The following SULT2B1 variants were observed in gnomAD, a reference collection of about 807,000 sequenced individuals.
SULT2B1 encodes the protein sulfotransferase family 2B member 1.
A neutral mutation model predicts 33.2 loss-of-function variants in SULT2B1; 16 were observed. That is an observed-to-expected ratio of 0.48 (90% CI 0.33 to 0.73). The LOEUF is 0.73. Ranked by LOEUF, SULT2B1 falls within the 30% of genes least tolerant of loss-of-function variation. The probability of loss-of-function intolerance (pLI) is 0.02; values close to 1 mark genes in which losing one functional copy is unlikely to be tolerated. For synonymous variants in SULT2B1, 186 were observed against 200.5 expected (o/e 0.93, Z 0.61); for missense variants, 500 against 506.0 (o/e 0.99, Z 0.11).
intron 1 of SULT2B1, among the ~76,000 whole-genome samples, chr19:48,567,057 C>T (rs1174981006): frequency 6.6e-6 from 1 of 151,964 alleles, no homozygotes; most frequent in African/African-American, 2.4e-5. Context: ...AACCCAAGTC[C>T]CTGTCAAGAT....
intron 1 of SULT2B1, among the ~76,000 whole-genome samples, chr19:48,557,314 C>T (rs1431140050): frequency 2.0e-5 from 3 of 150,718 alleles, no homozygotes; most frequent in Non-Finnish European, 3.0e-5. Flanking sequence ...CTGAAGTGGG[C>T]GGATCACTTG....
intron 6 of SULT2B1, among the ~76,000 whole-genome samples, chr19:48,597,175 A>C (rs540281963): frequency 5.7e-4 from 87 of 152,114 alleles, no homozygotes; most frequent in Non-Finnish European, 8.4e-4. Flanking sequence ...CGCCAGGTTT[A>C]CCCGAGAGAG....
chr19:48,572,290 G>A (rs377653345), intron 1 of SULT2B1, among the ~76,000 whole-genome samples: 2,410 of 151,774 alleles, frequency 0.016, no homozygotes, highest in African/African-American at 0.054. Context: ...CGAGGTGGGC[G>A]GATCATGAGG....
intron 1 of SULT2B1, among the ~76,000 whole-genome samples, chr19:48,574,528 C>T (rs1973377515): frequency 1.3e-5 from 2 of 152,198 alleles, no homozygotes; most frequent in Non-Finnish European, 2.9e-5. Context: ...GAGATTTCTC[C>T]CTCAAGGAGC....
At chr19:48,568,601 G>A (rs1973274362) in intron 1 of SULT2B1, among the ~76,000 whole-genome samples, 1 of 152,182 alleles carries the variant, frequency 6.6e-6, no homozygotes, top group South Asian at 2.1e-4. Context: ...GAGCCTGGCG[G>A]GGAGAACAGC....
intron 1 of SULT2B1, among the ~76,000 whole-genome samples, chr19:48,562,442 T>C (rs956749502): frequency 1.2e-4 from 18 of 151,096 alleles, no homozygotes; most frequent in Admixed American, 2.6e-4. Flanking sequence ...TCCCAGCTAC[T>C]GGGGAGGGTG....
At chr19:48,568,519 C>G (rs748927714) in intron 1 of SULT2B1, among the ~76,000 whole-genome samples, 1 of 152,124 alleles carries the variant, frequency 6.6e-6, no homozygotes, top group Non-Finnish European at 1.5e-5. Flanking sequence ...CTCTGCGCCA[C>G]GGCCAAGGGT....
At chr19:48,590,134 C>T (rs1357384728) in intron 3 of SULT2B1, among the ~76,000 whole-genome samples, 1 of 151,918 alleles carries the variant, frequency 6.6e-6, no homozygotes, top group African/African-American at 2.4e-5. Flanking sequence ...ATTACAGGCG[C>T]CCACCACCAT....
intron 2 of SULT2B1, among the ~76,000 whole-genome samples, chr19:48,583,592 C>A (rs373744133): frequency 1.3e-5 from 2 of 152,124 alleles, no homozygotes; most frequent in African/African-American, 4.8e-5. Flanking sequence ...CCGAGGCGGG[C>A]GGATCACCTG....
intron 2 of SULT2B1, among the ~76,000 whole-genome samples, chr19:48,578,071 G>A (rs147089692): frequency 0.1 from 15,706 of 152,020 alleles, 954 homozygotes; most frequent in Non-Finnish European, 0.14. Context: ...AAATTAGCCA[G>A]GCGTGGTGGT....
intron 2 of SULT2B1, among the ~76,000 whole-genome samples, chr19:48,577,557 G>A (rs985007905): frequency 2.0e-5 from 3 of 151,376 alleles, no homozygotes; most frequent in Non-Finnish European, 4.4e-5. Flanking sequence ...GTAGAGATGA[G>A]GTTTCACCGT....
chr19:48,585,321 T>A (rs937009193), intron 2 of SULT2B1, among the ~76,000 whole-genome samples: 1 of 152,068 alleles, frequency 6.6e-6, no homozygotes, highest in African/African-American at 2.4e-5. Context: ...ATTGGGTCCT[T>A]GATGAGGTCC....
At chr19:48,575,787 A>T in intron 1 of SULT2B1, 154 bp from the exon 2 acceptor site, 1 of 1,370,638 alleles carries the variant, frequency 7.3e-7, no homozygotes, top group Non-Finnish European at 9.6e-7. Context: ...GACCAGCTTT[A>T]TAAAGTTTAT....
At chr19:48,572,025 T>C (rs1973336785) in intron 1 of SULT2B1, among the ~76,000 whole-genome samples, 1 of 152,174 alleles carries the variant, frequency 6.6e-6, no homozygotes, top group African/African-American at 2.4e-5. Context: ...ACTACTCACT[T>C]CCTGAGGTTC....
At chr19:48,587,692 G>A (rs564754514) in intron 3 of SULT2B1, among the ~76,000 whole-genome samples, 1 of 149,478 alleles carries the variant, frequency 6.7e-6, no homozygotes, top group East Asian at 2.0e-4. Flanking sequence ...AGGAGTTTGA[G>A]ACCAGCTTGG....
intron 1 of SULT2B1, among the ~76,000 whole-genome samples, chr19:48,573,867 A>G (rs1189311485): frequency 6.6e-6 from 1 of 151,938 alleles, no homozygotes; most frequent in Non-Finnish European, 1.5e-5. Flanking sequence ...GTTTGTTTCT[A>G]TGTTTGTTAC....
chr19:48,562,926 T>C (rs1973199765), intron 1 of SULT2B1, among the ~76,000 whole-genome samples: 1 of 152,080 alleles, frequency 6.6e-6, no homozygotes, highest in Admixed American at 6.6e-5. Context: ...GTGATCCGCC[T>C]GCCTTGGCCT....
At chr19:48,567,958 G>C (rs1973266653) in intron 1 of SULT2B1, among the ~76,000 whole-genome samples, 1 of 151,542 alleles carries the variant, frequency 6.6e-6, no homozygotes, top group Non-Finnish European at 1.5e-5. Context: ...CTGAGCAACA[G>C]AGCAAGGCCC....
intron 2 of SULT2B1, among the ~76,000 whole-genome samples, chr19:48,585,675 GA>G (rs1313237988): frequency 7.3e-6 from 1 of 137,420 alleles, no homozygotes; most frequent in Admixed American, 7.2e-5. Context: ...GTCTCAAAAA[GA>G]AAAAAAGTGG....
Sources: gnomAD v4.1 joint callset for allele counts (sites outside exome capture counted in the v4.1 genomes callset) on GRCh38, gnomAD v4.1.1 for gene constraint, MANE v1.5 for transcripts, NCBI Gene and HGNC (gene_info 2026-07-23, HGNC 2026-07-21) for gene names.